LARS1: variants seen among roughly 807,000 people sequenced by gnomAD.
LARS1 encodes the protein leucyl-tRNA synthetase 1, also known as leucine--tRNA ligase, cytoplasmic.
Under a neutral mutation model 162.8 loss-of-function variants are expected in LARS1, and 100 were observed. That is an observed-to-expected ratio of 0.61 (90% CI 0.52 to 0.73). The LOEUF is 0.73. Ranked by LOEUF, LARS1 falls within the 30% of genes least tolerant of loss-of-function variation. The pLI is 0.00. For missense variants in LARS1, 1,258 were observed against 1,408.9 expected (o/e 0.89, Z 1.71); for synonymous variants, 457 against 462.8 (o/e 0.99, Z 0.16).
intron 21 of LARS1, chr5:146,137,744 TA>T: frequency 7.0e-6 from 2 of 283,728 alleles, no homozygotes; most frequent in East Asian, 1.3e-4. Context: ...GCAGGACTTC[TA>T]AAAGGAAATA....
intron 28 of LARS1, among the ~76,000 whole-genome samples, chr5:146,124,425 T>A (rs990285143): frequency 6.6e-6 from 1 of 151,952 alleles, no homozygotes; most frequent in East Asian, 1.9e-4. Context: ...TTACAGGGAA[T>A]CAGCCAAATG....
Position 146,144,543 on chromosome 5 carries a change from A to C in LARS1, c.1590-6T>G, listed in dbSNP as rs1752929698. 2.5e-6 allele frequency: 4 copies of C among 1,613,650 alleles called. No homozygotes were observed. In the Admixed American group the frequency reaches 5.0e-5, roughly 20 times the overall value. On this transcript the variant is annotated splice_polypyrimidine_tract_variant and splice_region_variant and intron_variant, in intron 16 of 31. Transcript: ENST00000394434. ...CTTCTCCATAATCCAAGTACCTGGG[A>C]GTGGACAAATTGATATGTTTTTTTT...
rs949256209 is a variant in LARS1 at position 146,122,364 on chromosome 5, C to T, written c.3192+128G>A. ...TTCTAACACTCTATGGGGTCTACAA[C>T]AAACCAACCACTTAATTTCTCTGGA... On this transcript the variant is annotated intron_variant, in intron 30 of 31. Coordinates refer to ENST00000394434, the MANE Select transcript of LARS1 (RefSeq NM_020117.11). The T allele has an allele frequency of 7.1e-6, 4 of 565,204 alleles. No individual in the cohort carries two copies. In the East Asian group the frequency reaches 1.2e-4, roughly 16 times the overall value. 35.0% of individuals were successfully genotyped at this position (565,204 alleles called of 1,614,324 possible).
chr5:146,143,022 T>C lies in LARS1; in HGVS notation c.1940A>G (p.Lys647Arg), dbSNP rs1372913587. 5 of 1,613,892 alleles carry C rather than the reference T, an allele frequency of 3.1e-6. No homozygotes were observed. The highest frequency in any genetic ancestry group is 4.2e-6 in the Non-Finnish European group (5 of 1,179,910). The change falls in exon 20 of 32, where the codon AAG becomes AGG. Residue 647 changes from lysine (K) to arginine (R), a missense_variant. Lys to Arg is a conservative substitution (Grantham distance 26). Transcript: ENST00000394434. ...TAATTTTTCCTTTGCAATCTGAGTC[T>C]TAGGAAATGGAGCCTCCTTGAAGAA... ...YVFFKEAPFP[K>R]TQIAKEKLDQ...
chr5:146,126,442 A>G lies in LARS1; in HGVS notation c.2984T>C (p.Met995Thr), dbSNP rs1227717764. ...YMKKVMPFVAMIKENLEKMGP... is the reference protein window; with the variant it reads ...YMKKVMPFVATIKENLEKMGP... ...ATAAGGTCCACAGCTTACCTTAATCATGGCAACAAATGGCATGACTTTCTT... is the reference window on the plus strand; with the variant it reads ...ATAAGGTCCACAGCTTACCTTAATCGTGGCAACAAATGGCATGACTTTCTT... Residue 995 changes from methionine (M) to threonine (T), a missense_variant, in exon 28 of 32, where the codon ATG becomes ACG. Physicochemically the swap from Met to Thr is moderately conservative, Grantham distance 81. Coordinates refer to ENST00000394434, the MANE Select transcript of LARS1 (RefSeq NM_020117.11). The G allele has an allele frequency of 2.5e-6, 4 of 1,604,848 alleles. No individual in the cohort carries two copies. The Admixed American group carries it at 6.7e-5, about 27-fold the overall frequency.
chr5:146,135,070 C>T (rs567608781), intron 22 of LARS1, among the ~76,000 whole-genome samples: 3 of 152,270 alleles, frequency 2.0e-5, no homozygotes, highest in Admixed American at 1.3e-4. Context: ...GCAATGCAAT[C>T]TCAGCCCACT....
intron 15 of LARS1, among the ~76,000 whole-genome samples, chr5:146,145,006 C>A (rs1013782151): frequency 6.6e-6 from 1 of 152,082 alleles, no homozygotes; most frequent in Non-Finnish European, 1.5e-5. Flanking sequence ...AAAAGATGGT[C>A]AGCAGTTTCG....
chr5:146,177,102 A>G (rs1754614707), intron 2 of LARS1, among the ~76,000 whole-genome samples: 1 of 152,194 alleles, frequency 6.6e-6, no homozygotes, highest in Non-Finnish European at 1.5e-5. Flanking sequence ...TGTTTCAGGC[A>G]TTATAAATAC....
intron 13 of LARS1, among the ~76,000 whole-genome samples, chr5:146,152,442 G>T (rs1205084113): frequency 2.0e-5 from 3 of 152,166 alleles, no homozygotes; most frequent in South Asian, 4.1e-4. Flanking sequence ...TTCACCTCCT[G>T]TCAGATCATG....
chr5:146,124,048 C>G lies in LARS1; in HGVS notation c.3030G>C (p.Leu1010Phe). ...CAGCCTTTTCATCAAATTCTAATTG[C>G]AAATCCAGAATACGAGGCCCCATCT... ...LEKMGPRILDLQLEFDEKAVL... is the reference protein window; with the variant it reads ...LEKMGPRILDFQLEFDEKAVL... Residue 1010 changes from leucine (L) to phenylalanine (F), a missense_variant, in exon 29 of 32, where the codon TTG becomes TTC. By Grantham distance (22) the Leu-to-Phe change is conservative (BLOSUM62 0). Coordinates refer to ENST00000394434, the MANE Select transcript of LARS1 (RefSeq NM_020117.11). 6.2e-7 allele frequency: 1 copy of G among 1,610,376 alleles called. No individual in the cohort carries two copies. Among genetic ancestry groups the G allele is most frequent in the Non-Finnish European group, 8.5e-7 (1 of 1,177,862 alleles).
chr5:146,171,687 G>T (rs1754286328), intron 4 of LARS1, among the ~76,000 whole-genome samples: 2 of 152,194 alleles, frequency 1.3e-5, no homozygotes, highest in Non-Finnish European at 2.9e-5. Flanking sequence ...GTAACCAAAA[G>T]ACATTAAAAT....
chr5:146,138,112 T>G (rs1316866585), intron 21 of LARS1: 1 of 113,048 alleles, frequency 8.8e-6, no homozygotes, highest in Admixed American at 9.2e-5. Flanking sequence ...AGGGCGAGAC[T>G]CTATCTCAAA....
Position 146,143,457 on chromosome 5 carries a change from T to G in LARS1, c.1832A>C (p.Gln611Pro). The change falls in exon 19 of 32, where the codon CAG becomes CCG. Residue 611 changes from glutamine to proline, a missense_variant. Transcript: ENST00000394434. ...MAFYTVAHLL[Q>P]GGNLHGQAES... is the part of the protein sequence containing the mutation. ...TGCCTGTCCATGCAAGTTACCCCCCTGCAATAGGTGTGCAACTGTGTAAAA... is the reference window on the plus strand; with the variant it reads ...TGCCTGTCCATGCAAGTTACCCCCCGGCAATAGGTGTGCAACTGTGTAAAA... 6.2e-7 allele frequency: 1 copy of G among 1,613,822 alleles called. No homozygotes were observed. Among genetic ancestry groups the G allele is most frequent in the East Asian group, 2.2e-5 (1 of 44,892 alleles).
Position 146,129,029 on chromosome 5 carries a change from T to C in LARS1, c.2718A>G (p.Thr906=), listed in dbSNP as rs1217585819. Residue 906 remains threonine, a synonymous_variant, in exon 26 of 32, where the codon ACA becomes ACG. Transcript: ENST00000394434. ...TCTTGAGTCGTAGTCTAAGGTCATG[T>C]GTTACTTCCATAAGATACTGTGAGG... ...IHSSQYLMEV[T]HDLRLRLKNY... The C allele has an allele frequency of 3.1e-6, 5 of 1,612,032 alleles. No individual in the cohort carries two copies. The highest frequency in any genetic ancestry group is 4.2e-6 in the Non-Finnish European group (5 of 1,178,870).
rs373298194 is a variant in LARS1, at chr5:146,132,867, A to T, written c.2396+31T>A. 1.0e-3 allele frequency: 1,654 copies of T among 1,590,112 alleles called. 2 individuals are homozygous for T. Among genetic ancestry groups the T allele is most frequent in the Admixed American group, 1.9e-3 (111 of 57,870 alleles). ...AATGCACCAGGACTAAGTAACTCTAAAACACAAAATGATTGGGATCTACAG... is the reference window on the plus strand; with the variant it reads ...AATGCACCAGGACTAAGTAACTCTATAACACAAAATGATTGGGATCTACAG... On this transcript the variant is annotated intron_variant, in intron 23 of 31. Transcript: ENST00000394434.
intron 22 of LARS1, among the ~76,000 whole-genome samples, chr5:146,134,682 C>T (rs940522974): frequency 1.3e-5 from 2 of 152,244 alleles, no homozygotes; most frequent in Non-Finnish European, 1.5e-5. Flanking sequence ...GGCATGGTGG[C>T]TCATGCCTAT....
Position 146,122,476 on chromosome 5 carries a change from G to C in LARS1, c.3192+16C>G, listed in dbSNP as rs767629718. 7.2e-7 allele frequency: 1 copy of C among 1,387,996 alleles called. No individual in the cohort carries two copies. Among genetic ancestry groups the C allele is most frequent in the Non-Finnish European group, 1.0e-6 (1 of 979,350 alleles). 86.0% of individuals were successfully genotyped at this position (1,387,996 alleles called of 1,614,324 possible). A position where few individuals can be genotyped will look rare whatever the true frequency, so the allele number is the denominator to read the frequency against. ...GTTTTAAAATGCAATGATTCAGTGA[G>C]ATTCCTTCAACTTACTTCTATTCTA... On this transcript the variant is annotated intron_variant, in intron 30 of 31. Coordinates refer to ENST00000394434, the MANE Select transcript of LARS1 (RefSeq NM_020117.11).
chr5:146,177,795 G>T, intron 1 of LARS1, 130 bp from the exon 2 acceptor site: 1 of 459,100 alleles, frequency 2.2e-6, no homozygotes, highest in Non-Finnish European at 3.9e-6. Context: ...AAATTTAAAT[G>T]AACATTAAAA....
At chr5:146,135,697 A>T in intron 21 of LARS1, 33 bp from the exon 22 acceptor site, 2 of 1,498,220 alleles carry the variant, frequency 1.3e-6, no homozygotes, top group Non-Finnish European at 1.8e-6. Context: ...AATCATTAAT[A>T]ACAGTAATAT....
Sources: gnomAD v4.1 joint callset for allele counts (sites outside exome capture counted in the v4.1 genomes callset) on GRCh38, gnomAD v4.1.1 for gene constraint, MANE v1.5 for transcripts, NCBI Gene and HGNC (gene_info 2026-07-23, HGNC 2026-07-21) for gene names.